CHRDL1: variants seen among roughly 807,000 people sequenced by gnomAD.
CHRDL1 encodes chordin like 1.
Under a neutral mutation model 40.9 loss-of-function variants are expected in CHRDL1, and 19 were observed. That is an observed-to-expected ratio of 0.46 (90% CI 0.32 to 0.68). The LOEUF is 0.68. Ranked by LOEUF, CHRDL1 falls within the 30% of genes least tolerant of loss-of-function variation. The pLI is 0.03. For synonymous variants in CHRDL1, 136 were observed against 123.4 expected (o/e 1.10, Z -0.68); for missense variants, 329 against 352.1 (o/e 0.93, Z 0.53).
At chrX:110,736,858 T>C (rs1056613048) in intron 4 of CHRDL1, among the ~76,000 whole-genome samples, 8 of 111,915 alleles carry the variant, frequency 7.1e-5, no homozygotes, top group African/African-American at 1.6e-4. Flanking sequence ...GGGCTTCAGG[T>C]TGATATTCAT....
At chrX:110,688,470 A>AT (rs2070071272) in intron 9 of CHRDL1, 124 bp downstream of exon 9, 2 of 509,464 alleles carry the variant, frequency 3.9e-6, no homozygotes, top group Admixed American at 3.3e-5. Context: ...AATGAAATTC[A>AT]TTATTATTAG....
intron 2 of CHRDL1, among the ~76,000 whole-genome samples, chrX:110,777,096 G>A (rs907187778): frequency 2.7e-5 from 3 of 111,482 alleles, no homozygotes; most frequent in Non-Finnish European, 5.7e-5. Context: ...GAATCAAACA[G>A]TATGTAGCCT....
chrX:110,686,656 A>C (rs1295065714), intron 9 of CHRDL1, among the ~76,000 whole-genome samples: 1 of 109,691 alleles, frequency 9.1e-6, no homozygotes, highest in Non-Finnish European at 1.9e-5. Flanking sequence ...GGCCGGATAC[A>C]GTGGCTCACG....
intron 5 of CHRDL1, 111 bp from the exon 6 acceptor site, chrX:110,720,039 A>G (rs1468495372): frequency 4.6e-6 from 2 of 434,298 alleles, no homozygotes; most frequent in Non-Finnish European, 8.0e-6. Context: ...CCTTCCCCCC[A>G]GCTCTCCCAT....
rs2070220870 is a variant in CHRDL1 at position 110,689,943 on chromosome X, ATATATCTATATATATC to A, written c.779-1156_779-1141del. 5.7e-5 allele frequency among the ~76,000 whole-genome samples: 4 copies of A among 69,863 alleles called. 1 individual carries two copies. Among genetic ancestry groups the A allele is most frequent in the Non-Finnish European group, 9.3e-5 (4 of 43,116 alleles). The allele number at this position is 69,863 out of a possible 115,157, so 60.7% of individuals were successfully genotyped here. On this transcript the variant is annotated intron_variant, in intron 8 of 11. Transcript: ENST00000372042. ...TATATCTATATATCTATATATATCT[ATATATCTATATATATC>A]TATATATCTATATATATCTATATAT...
chrX:110,719,969 A>G (rs1183677350), intron 5 of CHRDL1, 41 bp from the exon 6 acceptor site: 2 of 931,181 alleles, frequency 2.1e-6, no homozygotes, highest in South Asian at 4.3e-5. Context: ...AGCATCTAGG[A>G]TAAGTGTAAA....
chrX:110,740,452 T>A (rs1461234526), intron 4 of CHRDL1, among the ~76,000 whole-genome samples: 2 of 112,464 alleles, frequency 1.8e-5, no homozygotes, highest in African/African-American at 6.5e-5. Flanking sequence ...CCCATAGTGC[T>A]GGAACTAAAT....
intron 4 of CHRDL1, among the ~76,000 whole-genome samples, chrX:110,754,727 C>T (rs1371585449): frequency 9.0e-6 from 1 of 111,455 alleles, no homozygotes; most frequent in Non-Finnish European, 1.9e-5. Flanking sequence ...TGGATTAGGT[C>T]TCTGTTAACC....
At chrX:110,750,596 C>T (rs1316594191) in intron 4 of CHRDL1, among the ~76,000 whole-genome samples, 1 of 112,292 alleles carries the variant, frequency 8.9e-6, no homozygotes, top group African/African-American at 3.2e-5. Context: ...TTGCTTTTCC[C>T]TTTGAGAGTT....
intron 10 of CHRDL1, among the ~76,000 whole-genome samples, chrX:110,680,181 C>T (rs934049570): frequency 1.8e-5 from 2 of 111,482 alleles, no homozygotes; most frequent in South Asian, 3.8e-4. Flanking sequence ...GATATTTAGA[C>T]GCTACATTAG....
At chrX:110,772,349 C>G (rs1230980673) in intron 2 of CHRDL1, among the ~76,000 whole-genome samples, 1 of 112,825 alleles carries the variant, frequency 8.9e-6, no homozygotes, top group Non-Finnish European at 1.9e-5. Flanking sequence ...TATAAAATTA[C>G]ACTTTTTGGC....
intron 10 of CHRDL1, 132 bp downstream of exon 10, chrX:110,681,350 G>T: frequency 1.9e-6 from 1 of 525,841 alleles, no homozygotes; most frequent in Non-Finnish European, 3.2e-6. Flanking sequence ...TGTTAGATAT[G>T]TCAGTTTCTA....
chrX:110,693,716 T>C (rs1261129320), intron 8 of CHRDL1, among the ~76,000 whole-genome samples: 1 of 110,992 alleles, frequency 9.0e-6, no homozygotes, highest in Non-Finnish European at 1.9e-5. Context: ...GGGCTAGGAA[T>C]ATGTATCTTT....
chrX:110,726,202 G>A lies in CHRDL1; in HGVS notation c.302-4672C>T, dbSNP rs185951790. On this transcript the variant is annotated intron_variant, in intron 4 of 11. Transcript: ENST00000372042. ...AACATTGGTCTCTGGGGTCCCAGCTGCTATGATCTGAATATTTGTGTGCCT... is the reference window on the plus strand; with the variant it reads ...AACATTGGTCTCTGGGGTCCCAGCTACTATGATCTGAATATTTGTGTGCCT... Among the ~76,000 whole-genome samples, 357 of 111,759 alleles carry A rather than the reference G, an allele frequency of 3.2e-3. 2 individuals carry two copies. The highest frequency in any genetic ancestry group is 0.01 in the African/African-American group (316 of 30,768).
At chrX:110,679,545 G>T in intron 10 of CHRDL1, 120 bp from the exon 11 acceptor site, 1 of 509,779 alleles carries the variant, frequency 2.0e-6, no homozygotes, top group South Asian at 3.0e-5. Context: ...GTATCGAGTT[G>T]GGCTGTGTAA....
chrX:110,772,569 G>T (rs933014660), intron 2 of CHRDL1, among the ~76,000 whole-genome samples: 2 of 112,649 alleles, frequency 1.8e-5, no homozygotes, highest in Non-Finnish European at 3.7e-5. Context: ...AACCTGAGAG[G>T]CGGAGGTTGC....
At chrX:110,726,707 G>A (rs1365306115) in intron 4 of CHRDL1, among the ~76,000 whole-genome samples, 1 of 112,016 alleles carries the variant, frequency 8.9e-6, no homozygotes, top group African/African-American at 3.2e-5. Flanking sequence ...ATAAATGGTA[G>A]ATGATCTTGC....
chrX:110,728,998 G>A (rs2071108578), intron 4 of CHRDL1, among the ~76,000 whole-genome samples: 1 of 111,941 alleles, frequency 8.9e-6, no homozygotes, highest in African/African-American at 3.2e-5. Flanking sequence ...GTGGTGGCGG[G>A]AGCCTGTTAT....
chrX:110,685,694 A>G (rs1268857192), intron 9 of CHRDL1, among the ~76,000 whole-genome samples: 1 of 111,467 alleles, frequency 9.0e-6, no homozygotes, highest in African/African-American at 3.3e-5. Flanking sequence ...ATGAGTTTTA[A>G]TGGCTATATT....
Sources: allele counts gnomAD v4.1 joint callset (sites outside exome capture counted in the v4.1 genomes callset), GRCh38; gene constraint gnomAD v4.1.1; transcripts MANE v1.5; gene names NCBI Gene and HGNC (gene_info 2026-07-23, HGNC 2026-07-21).